The following CCT8 variants were observed in gnomAD, a reference collection of about 807,000 sequenced individuals.
CCT8 encodes T-complex protein 1 subunit theta.
Under a neutral mutation model 65.7 loss-of-function variants are expected in CCT8, and 10 were observed. The observed-to-expected ratio is 0.15, with a 90% CI of 0.09 to 0.26. The LOEUF is 0.26. Ranked by LOEUF, CCT8 falls within the 10% of genes least tolerant of loss-of-function variation. CCT8 has a pLI of 1.00. For missense variants in CCT8, 568 were observed against 669.1 expected (o/e 0.85, Z 1.67); for synonymous variants, 199 against 221.8 (o/e 0.90, Z 0.92).
intron 1 of CCT8, chr21:29,073,274 C>A: frequency 1.5e-6 from 2 of 1,315,928 alleles, no homozygotes; most frequent in East Asian, 6.0e-5. Context: ...GGCTTCACAT[C>A]CGTCCACCTT....
At chr21:29,059,054 C>T (rs2085534748) in intron 14 of CCT8, among the ~76,000 whole-genome samples, 1 of 152,198 alleles carries the variant, frequency 6.6e-6, no homozygotes, top group Non-Finnish European at 1.5e-5. Context: ...GCTGGGACTA[C>T]AGGTGTGAGC....
At chr21:29,060,507 G>A in intron 14 of CCT8, 34 bp downstream of exon 14, 1 of 1,604,882 alleles carries the variant, frequency 6.2e-7, no homozygotes. Flanking sequence ...ATGCAAATGA[G>A]TATTTTTAAA....
intron 1 of CCT8, among the ~76,000 whole-genome samples, chr21:29,072,483 T>C (rs1157513750): frequency 1.3e-5 from 2 of 152,206 alleles, no homozygotes; most frequent in Non-Finnish European, 2.9e-5. Flanking sequence ...TTGGAAGCTA[T>C]TATCTCAGCC....
chr21:29,058,612 G>A lies in CCT8; in HGVS notation c.1569+1929C>T, dbSNP rs1419973053. Among the ~76,000 whole-genome samples the A allele has an allele frequency of 2.2e-5, 3 of 136,724 alleles. No homozygotes were observed. In the South Asian group the frequency reaches 7.0e-4, roughly 32 times the overall value. The allele number at this position is 136,724 out of a possible 152,430, so 89.7% of individuals were successfully genotyped here. A position where few individuals can be genotyped will look rare whatever the true frequency, so the allele number is the denominator to read the frequency against. On this transcript the variant is annotated intron_variant, in intron 14 of 14. Coordinates refer to ENST00000286788, the MANE Select transcript of CCT8 (RefSeq NM_006585.4). Reference sequence around the variant, plus strand: ...TTTCTTCTTTTTTTTTTTTTTTTGAGATGGAGTCTTGCTCTGTCGCCCAGG... The same window carrying A: ...TTTCTTCTTTTTTTTTTTTTTTTGAAATGGAGTCTTGCTCTGTCGCCCAGG...
intron 12 of CCT8, 23 bp downstream of exon 12, chr21:29,061,473 A>T (rs2085563157): frequency 1.9e-6 from 3 of 1,613,652 alleles, no homozygotes; most frequent in African/African-American, 1.3e-5. Context: ...AAAGAAAGTC[A>T]ATTTATACAG....
chr21:29,073,501 C>T (rs762465051), intron 1 of CCT8, 30 bp downstream of exon 1: 11 of 1,613,806 alleles, frequency 6.8e-6, no homozygotes, highest in African/African-American at 1.3e-5. Context: ...TGCTGACGCT[C>T]CCACCTCATT....
In CCT8 at chr21:29,066,793, G is replaced by T; in HGVS notation, c.563-16C>A. The T allele has an allele frequency of 6.3e-7, 1 of 1,596,124 alleles. No individual in the cohort carries two copies. Among genetic ancestry groups the T allele is most frequent in the Non-Finnish European group, 8.6e-7 (1 of 1,168,702 alleles). ...AAAATAGATACTGTTAAGAAAATGA[G>T]ACATATCAAAAGATTATTTTGGGAC... On this transcript the variant is annotated splice_polypyrimidine_tract_variant and intron_variant, in intron 5 of 14. Coordinates refer to ENST00000286788, the MANE Select transcript of CCT8 (RefSeq NM_006585.4).
At chr21:29,063,634 T>A in intron 7 of CCT8, 104 bp from the exon 8 acceptor site, 2 of 966,054 alleles carry the variant, frequency 2.1e-6, no homozygotes, top group Non-Finnish European at 3.1e-6. Flanking sequence ...GGCAAAAAAA[T>A]ATGAAGATAT....
intron 13 of CCT8, 125 bp from the exon 14 acceptor site, chr21:29,060,785 T>C (rs149172854): frequency 1.9e-4 from 194 of 995,442 alleles, no homozygotes; most frequent in African/African-American, 1.4e-3. Context: ...TCCTACCTTA[T>C]AGAGTCATCC....
chr21:29,073,493 C>G, intron 1 of CCT8, 38 bp downstream of exon 1: 1 of 1,613,860 alleles, frequency 6.2e-7, no homozygotes, highest in Non-Finnish European at 8.5e-7. Flanking sequence ...CAGCCCTATG[C>G]TGACGCTCCC....
In CCT8 at chr21:29,062,403, G is replaced by T; in HGVS notation, c.1021C>A (p.Leu341Ile). The T allele has an allele frequency of 1.2e-6, 2 of 1,613,658 alleles. No individual in the cohort carries two copies. Among genetic ancestry groups the T allele is most frequent in the Middle Eastern group, 1.6e-4 (1 of 6,062 alleles). ...TALPRLTPPV[L>I]EEMGHCDSVY... The stretch of plus-strand genomic sequence containing the variant: ...CTGTCACAGTGTCCCATTTCTTCAA[G>T]GACAGGAGGTGTCTGTAAGAAAGTG... Residue 341 changes from leucine to isoleucine, a missense_variant, in exon 10 of 15, where the codon CTT becomes ATT. Coordinates refer to ENST00000286788, the MANE Select transcript of CCT8 (RefSeq NM_006585.4).
chr21:29,063,141 T>C (rs2085582390), intron 8 of CCT8, among the ~76,000 whole-genome samples: 2 of 152,226 alleles, frequency 1.3e-5, no homozygotes, highest in Admixed American at 6.5e-5. Context: ...TCTTCAATTA[T>C]CTGGTAATTG....
Position 29,065,015 on chromosome 21 carries a change from T to A in CCT8, c.715A>T (p.Ile239Leu), listed in dbSNP as rs776818853. The change falls in exon 7 of 15, where the codon ATA becomes TTA. Residue 239 changes from isoleucine to leucine, a missense_variant. Coordinates refer to ENST00000286788, the MANE Select transcript of CCT8 (RefSeq NM_006585.4). The stretch of plus-strand genomic sequence containing the variant: ...TCAAAAGGACAAGAGTACACTGCTA[T>A]TTTTGCATCTTTGACAGATGTTACA... The part of the protein sequence containing the change: ...GDVTSVKDAK[I>L]AVYSCPFDGM... 2.5e-6 allele frequency: 4 copies of A among 1,613,616 alleles called. No individual in the cohort carries two copies. The highest frequency in any genetic ancestry group is 3.4e-6 in the Non-Finnish European group (4 of 1,179,716).
At chr21:29,057,802 A>G (rs1404713675) in intron 14 of CCT8, among the ~76,000 whole-genome samples, 1 of 135,120 alleles carries the variant, frequency 7.4e-6, no homozygotes, top group African/African-American at 3.3e-5. Context: ...TGATATATAC[A>G]TATGTATGAT....
At chr21:29,067,504 G>A (rs748231849) in intron 4 of CCT8, 52 bp downstream of exon 4, 4 of 1,374,384 alleles carry the variant, frequency 2.9e-6, no homozygotes, top group African/African-American at 1.5e-5. Context: ...TTTTAAGCAG[G>A]TGTATATGTA....
At chr21:29,058,765 GTTT>G (rs757582901) in intron 14 of CCT8, among the ~76,000 whole-genome samples, 3 of 150,388 alleles carry the variant, frequency 2.0e-5, no homozygotes, top group Non-Finnish European at 3.0e-5. Flanking sequence ...CTAATTTTTT[GTTT>G]TTTTTAGTAG....
rs1020116307 is a variant in CCT8 at position 29,062,143 on chromosome 21, G to T, written c.1197C>A (p.Phe399Leu). The change falls in exon 11 of 15, where the codon TTC becomes TTA. Residue 399 changes from phenylalanine to leucine, a missense_variant. Transcript: ENST00000286788. The part of the protein sequence containing the change: ...ERAVDDGVNT[F>L]KVLTRDKRLV... The stretch of plus-strand genomic sequence containing the variant: ...TGATACTGACCCTTGTAAGAACTTT[G>T]AAAGTATTAACACCATCGTCTACTG... The T allele has an allele frequency of 6.2e-7, 1 of 1,608,238 alleles. No homozygotes were observed. Among genetic ancestry groups the T allele is most frequent in the Non-Finnish European group, 8.5e-7 (1 of 1,175,992 alleles).
rs139862647 is a variant in CCT8 at position 29,069,454 on chromosome 21, T to G, written c.200A>C (p.Asn67Thr). 1.4e-4 allele frequency: 226 copies of G among 1,585,916 alleles called. No homozygotes were observed. Among genetic ancestry groups the G allele is most frequent in the Admixed American group, 2.7e-4 (15 of 55,076 alleles). ...INHLEKLFVT[N>T]DAATILRELE... ...TTCTCTTAAAATAGTTGCTGCATCG[T>G]TTGTCACAAACAACTTCTCCAAGTG... is the stretch of plus-strand genomic sequence containing the variant. Residue 67 changes from asparagine to threonine, a missense_variant, in exon 3 of 15, where the codon AAC becomes ACC. By Grantham distance (65) the Asn-to-Thr change is moderately conservative. Coordinates refer to ENST00000286788, the MANE Select transcript of CCT8 (RefSeq NM_006585.4).
At chr21:29,068,557 T>C (rs1224625053) in intron 3 of CCT8, among the ~76,000 whole-genome samples, 1 of 152,130 alleles carries the variant, frequency 6.6e-6, no homozygotes, top group African/African-American at 2.4e-5. Context: ...CCTCCCAGGT[T>C]CAAGCAATTC....
Sources: allele counts gnomAD v4.1 joint callset (sites outside exome capture counted in the v4.1 genomes callset), GRCh38; gene constraint gnomAD v4.1.1; transcripts MANE v1.5; gene names NCBI Gene and HGNC (gene_info 2026-07-23, HGNC 2026-07-21).